Variants in MYH16 observed in about 807,000 individuals in gnomAD.
MYH16 encodes the protein myosin heavy chain 16, also known as putative uncharacterized protein MYH16.
intron 20 of MYH16, among the ~76,000 whole-genome samples, chr7:99,275,997 G>C (rs1029532889): frequency 1.3e-5 from 2 of 152,194 alleles, no homozygotes; most frequent in African/African-American, 2.4e-5. Flanking sequence ...CAAAGTGCTG[G>C]GATTACAGGC....
chr7:99,262,759 C>T (rs1791949767), intron 13 of MYH16, among the ~76,000 whole-genome samples: 1 of 152,108 alleles, frequency 6.6e-6, no homozygotes, highest in Admixed American at 6.5e-5. Context: ...TATATGGAGC[C>T]CCCAGTGCTG....
chr7:99,284,754 GCCT>G (rs1584352575), intron 25 of MYH16, 88 bp from the exon 8 acceptor site: 3 of 441,750 alleles, frequency 6.8e-6, no homozygotes, highest in Non-Finnish European at 1.4e-5. Context: ...CAGGTTCAAG[GCCT>G]CCTCTGGCAG....
intron 19 of MYH16, among the ~76,000 whole-genome samples, chr7:99,272,156 G>A (rs190936249): frequency 1.6e-4 from 24 of 152,216 alleles, no homozygotes; most frequent in Admixed American, 2.6e-4. Flanking sequence ...GTATCCTTTC[G>A]GAGGACACAG....
intron 16 of MYH16, among the ~76,000 whole-genome samples, chr7:99,265,345 T>C (rs961010631): frequency 1.3e-5 from 2 of 152,182 alleles, no homozygotes; most frequent in Non-Finnish European, 2.9e-5. Context: ...AGAATCATAT[T>C]CTAGCTGCTT....
intron 33 of MYH16, 121 bp from the exon 15 acceptor site, chr7:99,296,580 G>A (rs1792496780): frequency 5.1e-6 from 2 of 391,084 alleles, no homozygotes; most frequent in Admixed American, 5.7e-5. Flanking sequence ...CAATTCCCAA[G>A]GAGTCCGTAG....
At chr7:99,266,382 C>T (rs1333861754) in intron 17 of MYH16, among the ~76,000 whole-genome samples, 1 of 152,150 alleles carries the variant, frequency 6.6e-6, no homozygotes, top group Non-Finnish European at 1.5e-5. Context: ...TAGAGATGAT[C>T]TTCTACCTCC....
chr7:99,274,809 G>A (rs900663940), intron 20 of MYH16, among the ~76,000 whole-genome samples: 2 of 151,486 alleles, frequency 1.3e-5, no homozygotes, highest in Non-Finnish European at 2.9e-5. Flanking sequence ...GAGTATCTGG[G>A]ATTACATGCA....
At chr7:99,260,353 G>A (rs1562776478) in intron 12 of MYH16, 1 of 1,169,290 alleles carries the variant, frequency 8.6e-7, no homozygotes. Context: ...CTTCTCAAAG[G>A]AGGGATTGGA....
exon 8 of MYH16, chr7:99,253,743 T>G (rs1258971153): frequency 1.1e-5 from 2 of 176,238 alleles, no homozygotes; most frequent in Non-Finnish European, 2.5e-5. Context: ...TAGAGAAATC[T>G]CGTGTCATCT....
At chr7:99,302,899 A>G (rs1792622425) in intron 38 of MYH16, among the ~76,000 whole-genome samples, 166 bp from the exon 20 acceptor site, 1 of 152,014 alleles carries the variant, frequency 6.6e-6, no homozygotes, top group Non-Finnish European at 1.5e-5. Context: ...AAAAAAAGAA[A>G]AAAAAAAGAA....
chr7:99,295,168 C>G (rs1455506794), intron 33 of MYH16, among the ~76,000 whole-genome samples: 1 of 152,072 alleles, frequency 6.6e-6, no homozygotes, highest in Non-Finnish European at 1.5e-5. Context: ...TGCCTGAGCT[C>G]AGGAGTTCGA....
At chr7:99,307,143 A>C (rs371854910), downstream of MYH16, among the ~76,000 whole-genome samples, 44 of 152,230 alleles carry the variant, frequency 2.9e-4, 1 homozygote, top group East Asian at 7.0e-3. Context: ...GCCACTTGAC[A>C]CTAGCCTTGG....
At chr7:99,250,219 G>A (rs1490400559) in intron 5 of MYH16, 1 of 152,366 alleles carries the variant, frequency 6.6e-6, no homozygotes, top group Non-Finnish European at 1.5e-5. Context: ...AAGTGACTTG[G>A]GTGGGGTCAC....
intron 16 of MYH16, chr7:99,265,488 G>T (rs1791977455): frequency 6.5e-6 from 1 of 152,734 alleles, no homozygotes; most frequent in East Asian, 1.9e-4. Flanking sequence ...CAGATGCTCA[G>T]TTCAGCCTCC....
chr7:99,241,569 T>C (rs1791667421), intron 1 of MYH16, among the ~76,000 whole-genome samples: 1 of 151,826 alleles, frequency 6.6e-6, no homozygotes, highest in African/African-American at 2.4e-5. Context: ...AGTGACAGAG[T>C]GAGACTCTGT....
At chr7:99,304,277 T>C (rs1460380373) in intron 39 of MYH16, among the ~76,000 whole-genome samples, 1 of 152,168 alleles carries the variant, frequency 6.6e-6, no homozygotes, top group African/African-American at 2.4e-5. Context: ...CCAGAGGCTG[T>C]GCTTTTCTCA....
intron 36 of MYH16, among the ~76,000 whole-genome samples, chr7:99,298,286 A>G (rs900412408): frequency 2.0e-5 from 3 of 148,226 alleles, no homozygotes; most frequent in African/African-American, 7.5e-5. Flanking sequence ...AGGCCACAGT[A>G]TAGTGGTGCA....
intron 9 of MYH16, among the ~76,000 whole-genome samples, chr7:99,255,837 G>A (rs1306848529): frequency 6.6e-6 from 1 of 152,172 alleles, no homozygotes; most frequent in Non-Finnish European, 1.5e-5. Flanking sequence ...CTGGGGTTGC[G>A]ATCAGCATTT....
At chr7:99,287,393 G>A (rs1792294195) in intron 28 of MYH16, among the ~76,000 whole-genome samples, 1 of 152,002 alleles carries the variant, frequency 6.6e-6, no homozygotes, top group African/African-American at 2.4e-5. Flanking sequence ...AATTAGCTGG[G>A]CATGGTGGTG....
Sources: gnomAD v4.1 joint callset for allele counts (sites outside exome capture counted in the v4.1 genomes callset) on GRCh38, gnomAD v4.1.1 for gene constraint, MANE v1.5 for transcripts, NCBI Gene and HGNC (gene_info 2026-07-23, HGNC 2026-07-21) for gene names.